The following DPYD variants were observed in gnomAD, a reference collection of about 807,000 sequenced individuals.
DPYD encodes the protein dihydropyrimidine dehydrogenase [NADP(+)].
A neutral mutation model predicts 116.2 loss-of-function variants in DPYD; 109 were observed. The ratio of observed to expected loss-of-function variants is 0.94; its 90% confidence interval spans 0.80 to 1.10. The LOEUF is 1.10. Among genes scored for constraint, DPYD ranks in the 50% least tolerant of loss-of-function variants. The pLI is 0.00. For missense variants in DPYD, 1,302 were observed against 1,254.5 expected (o/e 1.04, Z -0.57); for synonymous variants, 440 against 432.0 (o/e 1.02, Z -0.23).
At position 97,160,520 on chromosome 1, in the gene DPYD, G is replaced by A. The variant is rs147359235; in HGVS notation, c.2622+32549C>T. ...TTGAAGGCCAAGTAAGGGGGTGTTC[G>A]ATGATGAGAGATAAGCAACTCTTTG... On this transcript the variant is annotated intron_variant, in intron 20 of 22. Coordinates refer to ENST00000370192, the MANE Select transcript of DPYD (RefSeq NM_000110.4). 5.3e-5 allele frequency among the ~76,000 whole-genome samples: 8 copies of A among 152,154 alleles called. No homozygotes were observed. In the East Asian group the frequency reaches 1.5e-3, roughly 29 times the overall value.
intron 8 of DPYD, among the ~76,000 whole-genome samples, chr1:97,613,574 G>A (rs536542692): frequency 2.6e-5 from 4 of 152,036 alleles, no homozygotes; most frequent in South Asian, 4.1e-4. Flanking sequence ...TGTTTTCAAC[G>A]CATGATCTGC....
intron 16 of DPYD, among the ~76,000 whole-genome samples, chr1:97,346,742 T>C (rs1354369790): frequency 6.6e-6 from 1 of 151,882 alleles, no homozygotes; most frequent in Non-Finnish European, 1.5e-5. Context: ...CAGACAAAAA[T>C]CAAGCTTCCA....
At chr1:97,123,543 G>A (rs754931175) in intron 20 of DPYD, among the ~76,000 whole-genome samples, 1 of 151,816 alleles carries the variant, frequency 6.6e-6, no homozygotes, top group Non-Finnish European at 1.5e-5. Context: ...TATGCTCCTT[G>A]GCATCACATT....
chr1:97,419,032 T>C (rs186712656), intron 14 of DPYD, among the ~76,000 whole-genome samples: 1 of 152,292 alleles, frequency 6.6e-6, no homozygotes, highest in East Asian at 1.9e-4. Flanking sequence ...TGTTTCAGGG[T>C]AGAGAGGGCC....
At chr1:97,611,010 C>T (rs564071948) in intron 8 of DPYD, among the ~76,000 whole-genome samples, 45 of 151,490 alleles carry the variant, frequency 3.0e-4, no homozygotes, top group Non-Finnish European at 4.4e-4. Context: ...TGTCTGTGTA[C>T]GTATGTACAA....
intron 2 of DPYD, chr1:97,856,038 T>A (rs1225319994): frequency 6.6e-6 from 1 of 152,110 alleles, no homozygotes; most frequent in African/African-American, 2.4e-5. Flanking sequence ...AGAAGATGAA[T>A]CAAAATTTTG....
intron 3 of DPYD, among the ~76,000 whole-genome samples, chr1:97,812,072 C>T (rs1668373711): frequency 6.6e-6 from 1 of 152,080 alleles, no homozygotes; most frequent in Non-Finnish European, 1.5e-5. Flanking sequence ...TGCTTCTTCC[C>T]CACTGGTTTT....
At chr1:97,383,346 G>T (rs185808712) in intron 14 of DPYD, among the ~76,000 whole-genome samples, 55 of 151,692 alleles carry the variant, frequency 3.6e-4, no homozygotes, top group Middle Eastern at 3.4e-3. Flanking sequence ...GTGTGGTGGC[G>T]TGTGCCTGTA....
intron 10 of DPYD, among the ~76,000 whole-genome samples, chr1:97,589,958 A>C (rs1408955274): frequency 1.3e-5 from 2 of 152,198 alleles, no homozygotes; most frequent in Non-Finnish European, 2.9e-5. Context: ...TACTCAAGAA[A>C]TTAGGGCCAA....
chr1:97,668,016 T>C (rs1211174028), intron 8 of DPYD, among the ~76,000 whole-genome samples: 4 of 152,108 alleles, frequency 2.6e-5, no homozygotes, highest in African/African-American at 4.8e-5. Flanking sequence ...GTCAAATTCA[T>C]AGATTTGTTG....
At chr1:97,623,703 G>A (rs1265148914) in intron 8 of DPYD, among the ~76,000 whole-genome samples, 4 of 151,748 alleles carry the variant, frequency 2.6e-5, no homozygotes, top group Admixed American at 1.3e-4. Flanking sequence ...CAAAACTGGA[G>A]GTATCACATT....
intron 5 of DPYD, among the ~76,000 whole-genome samples, chr1:97,713,095 A>G (rs1252459362): frequency 6.6e-6 from 1 of 151,890 alleles, no homozygotes; most frequent in African/African-American, 2.4e-5. Context: ...TATCATCATT[A>G]TTTGAAGATA....
intron 16 of DPYD, among the ~76,000 whole-genome samples, chr1:97,341,698 C>A (rs1301085728): frequency 6.6e-6 from 1 of 152,136 alleles, no homozygotes; most frequent in African/African-American, 2.4e-5. Flanking sequence ...TTCTGGTCAG[C>A]CATTTTATCA....
intron 18 of DPYD, among the ~76,000 whole-genome samples, chr1:97,257,452 T>TATATATATATATATATATAGAGAGAGAG (rs375490078): frequency 2.1e-4 from 26 of 126,458 alleles, no homozygotes; most frequent in African/African-American, 6.9e-4. Context: ...TATATATATA[T>TATATATATATATATATATAGAGAGAGAG]AGAGAGAGAG....
intron 11 of DPYD, among the ~76,000 whole-genome samples, chr1:97,554,550 C>T (rs1557794369): frequency 6.6e-6 from 1 of 151,972 alleles, no homozygotes; most frequent in Admixed American, 6.6e-5. Flanking sequence ...CACAATGAAA[C>T]TAAAAGGTGT....
chr1:97,786,793 AC>A (rs1455587009), intron 3 of DPYD, among the ~76,000 whole-genome samples: 4 of 152,224 alleles, frequency 2.6e-5, no homozygotes, highest in Non-Finnish European at 4.4e-5. Context: ...ATTTTGTTTG[AC>A]CTAAAAATAG....
chr1:97,296,424 C>T (rs933169544), intron 18 of DPYD, among the ~76,000 whole-genome samples: 1 of 151,490 alleles, frequency 6.6e-6, no homozygotes, highest in Non-Finnish European at 1.5e-5. Flanking sequence ...AATGTCTACA[C>T]CTAAAAAAAA....
At chr1:97,902,829 A>G (rs892971958) in intron 1 of DPYD, among the ~76,000 whole-genome samples, 3 of 151,872 alleles carry the variant, frequency 2.0e-5, no homozygotes, top group African/African-American at 7.2e-5. Flanking sequence ...TAAATGGAGC[A>G]TACCACTAGA....
chr1:97,341,114 T>C (rs189383999), intron 16 of DPYD, among the ~76,000 whole-genome samples: 1 of 152,266 alleles, frequency 6.6e-6, no homozygotes, highest in East Asian at 1.9e-4. Flanking sequence ...TCTTCCCCCA[T>C]GTCAGGAGTA....
Sources: allele counts gnomAD v4.1 joint callset (sites outside exome capture counted in the v4.1 genomes callset), GRCh38; gene constraint gnomAD v4.1.1; transcripts MANE v1.5; gene names NCBI Gene and HGNC (gene_info 2026-07-23, HGNC 2026-07-21).